The following TMEM135 variants were observed in gnomAD, a reference collection of about 807,000 sequenced individuals.
TMEM135 encodes transmembrane protein 135.
A neutral mutation model predicts 60.3 loss-of-function variants in TMEM135; 30 were observed. The ratio of observed to expected loss-of-function variants is 0.50; its 90% CI spans 0.37 to 0.68. The LOEUF (loss-of-function observed/expected upper bound fraction) is 0.68. TMEM135 is among the 30% of genes least tolerant of loss of function. The pLI is 0.00. For missense variants in TMEM135, 468 were observed against 548.8 expected, an observed-to-expected ratio of 0.85 and a Z score of 1.47; for synonymous variants, 190 against 186.7, an observed-to-expected ratio of 1.02 and a Z score of -0.14.
chr11:87,319,139 G>T (rs372870728), intron 13 of TMEM135, 171 bp from the exon 14 acceptor site: 20 of 628,818 alleles, frequency 3.2e-5, no homozygotes, highest in East Asian at 1.4e-4. Flanking sequence ...CAAGTGCTGA[G>T]ATTACAGGTG....
intron 12 of TMEM135, among the ~76,000 whole-genome samples, chr11:87,315,604 A>G (rs1942714065): frequency 6.6e-6 from 1 of 152,008 alleles, no homozygotes; most frequent in African/African-American, 2.4e-5. Context: ...TTGCAAAATG[A>G]TGAAAAATAC....
At chr11:87,152,328 G>A (rs2135260831) in intron 4 of TMEM135, among the ~76,000 whole-genome samples, 1 of 152,166 alleles carries the variant, frequency 6.6e-6, no homozygotes, top group Non-Finnish European at 1.5e-5. Flanking sequence ...GTAACGTTAA[G>A]TCTATATGTT....
At chr11:87,176,843 G>A (rs1443891654) in intron 5 of TMEM135, among the ~76,000 whole-genome samples, 2 of 152,086 alleles carry the variant, frequency 1.3e-5, no homozygotes, top group Non-Finnish European at 2.9e-5. Context: ...TCAGGAAGGT[G>A]GTTTCAAGAA....
In TMEM135 at chr11:87,197,300, A is replaced by G. The variant is rs75321085; in HGVS notation, c.463-39338A>G. On this transcript the variant is annotated intron_variant, in intron 5 of 14. Coordinates refer to ENST00000305494, the MANE Select transcript of TMEM135 (RefSeq NM_022918.4). ...GACGAGTACATATTCTTTTAATTTA[A>G]TGCAAGAAATTCTAATTCGGCATAA... Among the ~76,000 whole-genome samples, 1,173 of 152,208 alleles carry G rather than the reference A, an allele frequency of 7.7e-3. 16 individuals carry two copies. The highest frequency in any genetic ancestry group is 0.027 in the African/African-American group (1,118 of 41,562).
chr11:87,071,927 C>A (rs1441079153), intron 3 of TMEM135, among the ~76,000 whole-genome samples: 2 of 152,150 alleles, frequency 1.3e-5, no homozygotes, highest in African/African-American at 4.8e-5. Context: ...CAGCTCATTC[C>A]TGTAATCCCA....
intron 5 of TMEM135, among the ~76,000 whole-genome samples, chr11:87,162,777 A>C (rs953091677): frequency 5.3e-5 from 8 of 152,202 alleles, no homozygotes; most frequent in African/African-American, 1.9e-4. Flanking sequence ...CTGGTTCTAG[A>C]TCCTTAAGGA....
chr11:87,108,679 C>T (rs1591025271), intron 4 of TMEM135, among the ~76,000 whole-genome samples: 1 of 152,052 alleles, frequency 6.6e-6, no homozygotes, highest in African/African-American at 2.4e-5. Flanking sequence ...GCGTTTAGTG[C>T]TATAAATTTC....
chr11:87,077,554 G>A (rs1413174319), intron 3 of TMEM135, among the ~76,000 whole-genome samples: 1 of 152,106 alleles, frequency 6.6e-6, no homozygotes, highest in African/African-American at 2.4e-5. Flanking sequence ...CCCTTTTTGG[G>A]AACAATTGCA....
chr11:87,278,206 G>T (rs764900165), intron 6 of TMEM135, among the ~76,000 whole-genome samples: 1 of 152,046 alleles, frequency 6.6e-6, no homozygotes, highest in Non-Finnish European at 1.5e-5. Context: ...AATTCAGTCT[G>T]CACAAATGAT....
At position 87,243,899 on chromosome 11, in the gene TMEM135, T is replaced by C. The variant is rs1341119078; in HGVS notation, c.509+7215T>C. Among the ~76,000 whole-genome samples the C allele has an allele frequency of 1.0e-4, 8 of 78,534 alleles. 3 individuals carry two copies. The highest frequency in any genetic ancestry group is 2.3e-4 in the East Asian group (1 of 4,426). 51.5% of individuals were successfully genotyped at this position (78,534 alleles called of 152,430 possible). A position where few individuals can be genotyped will look rare whatever the true frequency, so the allele number is the denominator to read the frequency against. On this transcript the variant is annotated intron_variant, in intron 6 of 14. Transcript: ENST00000305494. Reference sequence around the variant, plus strand: ...CTTCCAACACTATGTTGAATAGGAGTGGTGAGAGAGGGCATCCCTGTCTTG... The same window carrying C: ...CTTCCAACACTATGTTGAATAGGAGCGGTGAGAGAGGGCATCCCTGTCTTG...
In TMEM135 at chr11:87,328,589, A is replaced by G. The variant is rs1458920805; in HGVS notation, c.*7256A>G. On this transcript the variant is annotated 3_prime_UTR_variant, in exon 15 of 15. Coordinates refer to ENST00000305494, the MANE Select transcript of TMEM135 (RefSeq NM_022918.4). ...AGCTCCCACTTACAGTTGAGAACAT[A>G]CAGAATTTGATTTTCTATTCCGGAG... 6 of 453,990 alleles carry G rather than the reference A, an allele frequency of 1.3e-5. No individual in the cohort carries two copies. The allele number at this position is 453,990 out of a possible 1,614,324, so 28.1% of individuals were successfully genotyped here. A position where few individuals can be genotyped will look rare whatever the true frequency, so the allele number is the denominator to read the frequency against.
chr11:87,303,982 A>C (rs983344954), intron 8 of TMEM135, among the ~76,000 whole-genome samples: 7 of 152,192 alleles, frequency 4.6e-5, no homozygotes, highest in Admixed American at 4.6e-4. Flanking sequence ...AAATAATACA[A>C]GAGACAGGCA....
At chr11:87,187,704 G>A (rs1939687770) in intron 5 of TMEM135, among the ~76,000 whole-genome samples, 1 of 152,136 alleles carries the variant, frequency 6.6e-6, no homozygotes, top group Non-Finnish European at 1.5e-5. Context: ...TCTTTTGATG[G>A]TATTTTATAA....
At position 87,071,583 on chromosome 11, in the gene TMEM135, T is replaced by C. The variant is rs767725863; in HGVS notation, c.330T>C (p.Ser110=). ...GCTTTGGTGCCGCTCTGCCAGCATC[T>C]TATGTGGCCATTCTCATTGAAAGAA... The part of the protein sequence containing the change: ...TPGFGAALPA[S]YVAILIERKS... Residue 110 remains serine, a synonymous_variant, in exon 3 of 15, where the codon TCT becomes TCC. Transcript: ENST00000305494. 6.2e-6 allele frequency: 10 copies of C among 1,613,826 alleles called. No homozygotes were observed. In the Admixed American group the frequency reaches 1.7e-4, roughly 27 times the overall value.
intron 3 of TMEM135, among the ~76,000 whole-genome samples, chr11:87,079,624 G>A (rs1339199169): frequency 6.6e-6 from 1 of 151,108 alleles, no homozygotes. Flanking sequence ...CTTGTATCTT[G>A]TATCTGCTCT....
intron 1 of TMEM135, among the ~76,000 whole-genome samples, chr11:87,061,246 G>C (rs1190486870): frequency 6.6e-6 from 1 of 152,096 alleles, no homozygotes; most frequent in African/African-American, 2.4e-5. Context: ...TACTCAATAA[G>C]GGGCACAATC....
rs184032843 is a variant in TMEM135, at chr11:87,133,398, C to G, written c.397-23943C>G. Among the ~76,000 whole-genome samples, 4 of 152,270 alleles carry G rather than the reference C, an allele frequency of 2.6e-5. No homozygotes were observed. In the East Asian group the frequency reaches 7.7e-4, roughly 29 times the overall value. On this transcript the variant is annotated intron_variant, in intron 4 of 14. Coordinates refer to ENST00000305494, the MANE Select transcript of TMEM135 (RefSeq NM_022918.4). ...CTTCATGCTCCTTGGTAAGTCCTCC[C>G]CACCACTCACATACCTCATGGATGC... is the stretch of plus-strand genomic sequence containing the variant.
intron 1 of TMEM135, among the ~76,000 whole-genome samples, chr11:87,060,333 T>C (rs1034032085): frequency 2.6e-5 from 4 of 152,326 alleles, no homozygotes; most frequent in African/African-American, 7.2e-5. Context: ...GGGTGCCTTA[T>C]TTAGTCTTTC....
At chr11:87,248,973 A>C (rs1159055373) in intron 6 of TMEM135, among the ~76,000 whole-genome samples, 1 of 152,140 alleles carries the variant, frequency 6.6e-6, no homozygotes, top group East Asian at 1.9e-4. Flanking sequence ...CTGCAACTTT[A>C]CTGAATTTGT....
Sources: allele counts gnomAD v4.1 joint callset (sites outside exome capture counted in the v4.1 genomes callset), GRCh38; gene constraint gnomAD v4.1.1; transcripts MANE v1.5; gene names NCBI Gene and HGNC (gene_info 2026-07-23, HGNC 2026-07-21).